Variants in NEK11 observed in about 807,000 individuals in gnomAD.
The protein encoded by NEK11 is NIMA related kinase 11, also known as serine/threonine-protein kinase Nek11.
NEK11 carries 72 observed loss-of-function variants against 80.7 expected under a neutral mutation model. The observed-to-expected ratio is 0.89, with a 90% CI of 0.74 to 1.08. NEK11 has a LOEUF of 1.08. Among genes scored for constraint, NEK11 ranks in the 50% least tolerant of loss-of-function variants. The pLI is 0.00. For missense variants in NEK11, 764 were observed against 763.6 expected (o/e 1.00, Z -0.01); for synonymous variants, 251 against 260.7 (o/e 0.96, Z 0.36).
At chr3:131,041,351 T>A (rs2066436321) in intron 3 of NEK11, among the ~76,000 whole-genome samples, 1 of 152,232 alleles carries the variant, frequency 6.6e-6, no homozygotes, top group Non-Finnish European at 1.5e-5. Context: ...ATATCTGAAA[T>A]TGCATTTTAA....
intron 3 of NEK11, among the ~76,000 whole-genome samples, chr3:131,063,253 G>A (rs901408578): frequency 6.6e-6 from 1 of 152,120 alleles, no homozygotes; most frequent in Non-Finnish European, 1.5e-5. Context: ...TGAAGCTCCT[G>A]GACTTAAGCA....
intron 4 of NEK11, among the ~76,000 whole-genome samples, chr3:131,094,447 G>A (rs1192413414): frequency 1.3e-5 from 2 of 152,124 alleles, no homozygotes; most frequent in African/African-American, 4.8e-5. Flanking sequence ...TCCAAGGGGG[G>A]TGGATCTGAC....
At chr3:131,336,534 T>A (rs2097187471) in intron 17 of NEK11, among the ~76,000 whole-genome samples, 2 of 152,118 alleles carry the variant, frequency 1.3e-5, no homozygotes, top group Non-Finnish European at 2.9e-5. Context: ...AACCTAGGTA[T>A]TACCATTCAG....
chr3:131,202,956 T>C (rs1356660914), intron 14 of NEK11, among the ~76,000 whole-genome samples: 1 of 151,240 alleles, frequency 6.6e-6, no homozygotes, highest in Non-Finnish European at 1.5e-5. Flanking sequence ...TGTGGAGAAA[T>C]AGGAATACTT....
rs528654249 is a variant in NEK11 at position 131,187,412 on chromosome 3, CTA to C, written c.1399+16527_1399+16528del. Among the ~76,000 whole-genome samples the C allele has an allele frequency of 3.1e-3, 465 of 152,260 alleles. 1 individual carries two copies. Among genetic ancestry groups the C allele is most frequent in the African/African-American group, 9.0e-3 (374 of 41,538 alleles). On this transcript the variant is annotated intron_variant, in intron 14 of 17. Coordinates refer to ENST00000383366, the MANE Select transcript of NEK11 (RefSeq NM_024800.5). ...CCTGTTTCAAAAATCACTATAACTACTATTAAATGTTGATCTTATATTTCAAC... is the reference window on the plus strand; with the variant it reads ...CCTGTTTCAAAAATCACTATAACTACTTAAATGTTGATCTTATATTTCAAC...
chr3:131,221,474 AC>A (rs1348663060), intron 14 of NEK11, among the ~76,000 whole-genome samples: 4 of 152,072 alleles, frequency 2.6e-5, no homozygotes, highest in Admixed American at 2.0e-4. Context: ...TATTCTGGGG[AC>A]CACCCTTTAA....
intron 3 of NEK11, among the ~76,000 whole-genome samples, chr3:131,077,946 C>CTAA (rs2074638104): frequency 6.6e-6 from 1 of 152,140 alleles, no homozygotes; most frequent in Non-Finnish European, 1.5e-5. Context: ...AAATAGGAGC[C>CTAA]TAATAGGCTG....
intron 3 of NEK11, among the ~76,000 whole-genome samples, chr3:131,049,298 T>G (rs2067954954): frequency 6.6e-6 from 1 of 152,200 alleles, no homozygotes; most frequent in Non-Finnish European, 1.5e-5. Context: ...CAATTTCAGA[T>G]ACATAATTTC....
rs766382156 is a variant in NEK11, at chr3:131,029,798, G to A, written c.90G>A (p.Val30=). 1.1e-5 allele frequency: 18 copies of A among 1,614,170 alleles called. No individual in the cohort carries two copies. The highest frequency in any genetic ancestry group is 1.4e-5 in the Non-Finnish European group (17 of 1,180,010). The change falls in exon 3 of 18, where the codon GTG becomes GTA. Residue 30 remains valine (V), a synonymous_variant. Coordinates refer to ENST00000383366, the MANE Select transcript of NEK11 (RefSeq NM_024800.5). The part of the protein sequence containing the change: ...YPKTLIARRY[V]LQQKLGSGSF... ...AGACCTTGATTGCAAGAAGATACGTGCTTCAACAAAAACTTGGCAGTGGAA... is the reference window on the plus strand; with the variant it reads ...AGACCTTGATTGCAAGAAGATACGTACTTCAACAAAAACTTGGCAGTGGAA...
At chr3:131,343,707 T>G (rs2097320058) in intron 17 of NEK11, among the ~76,000 whole-genome samples, 1 of 152,212 alleles carries the variant, frequency 6.6e-6, no homozygotes, top group African/African-American at 2.4e-5. Flanking sequence ...TGCCAGAGCT[T>G]ATGGCTTGCA....
At chr3:131,313,214 A>G (rs969727510) in intron 17 of NEK11, among the ~76,000 whole-genome samples, 2 of 152,118 alleles carry the variant, frequency 1.3e-5, no homozygotes, top group African/African-American at 4.8e-5. Context: ...TTCTTTATCC[A>G]TTCTACCATT....
intron 14 of NEK11, among the ~76,000 whole-genome samples, chr3:131,204,308 A>G (rs1008655055): frequency 6.6e-5 from 10 of 152,170 alleles, no homozygotes; most frequent in African/African-American, 1.2e-4. Flanking sequence ...ATAATAAACC[A>G]GTAAACATCA....
At chr3:131,181,745 C>CAAAAAAAAA (rs58463955) in intron 14 of NEK11, among the ~76,000 whole-genome samples, 3 of 83,116 alleles carry the variant, frequency 3.6e-5, no homozygotes, top group Non-Finnish European at 6.6e-5. Flanking sequence ...GACTCCGCCT[C>CAAAAAAAAA]AAAAAAAAAA....
intron 14 of NEK11, among the ~76,000 whole-genome samples, chr3:131,201,380 G>A (rs1338404075): frequency 1.3e-5 from 2 of 151,898 alleles, no homozygotes; most frequent in Admixed American, 6.6e-5. Context: ...TAAGTTTCTC[G>A]ACCTATATAG....
intron 5 of NEK11, among the ~76,000 whole-genome samples, chr3:131,111,344 T>C (rs2080099985): frequency 6.6e-6 from 1 of 152,188 alleles, no homozygotes; most frequent in Admixed American, 6.6e-5. Flanking sequence ...TGAAATACAA[T>C]CCTTTGTGAT....
chr3:131,325,216 T>C (rs1315577821), intron 17 of NEK11: 1 of 151,884 alleles, frequency 6.6e-6, no homozygotes, highest in Non-Finnish European at 1.5e-5. Flanking sequence ...GAAATAATGA[T>C]GGAATGACTC....
intron 5 of NEK11, among the ~76,000 whole-genome samples, chr3:131,127,308 A>G (rs2149527656): frequency 6.6e-6 from 1 of 151,984 alleles, no homozygotes; most frequent in South Asian, 2.1e-4. Context: ...ACCTCAGTTG[A>G]AATACTTTTC....
chr3:131,069,065 G>A (rs1560249517), intron 3 of NEK11, among the ~76,000 whole-genome samples: 1 of 151,788 alleles, frequency 6.6e-6, no homozygotes, highest in African/African-American at 2.4e-5. Context: ...CTGTCTTACT[G>A]TTAAGACAGC....
At chr3:131,063,393 G>C (rs1396092161) in intron 3 of NEK11, among the ~76,000 whole-genome samples, 1 of 152,166 alleles carries the variant, frequency 6.6e-6, no homozygotes, top group African/African-American at 2.4e-5. Context: ...ATTCAGCAGA[G>C]TATTTTTCAT....
Sources: allele counts gnomAD v4.1 joint callset (sites outside exome capture counted in the v4.1 genomes callset), GRCh38; gene constraint gnomAD v4.1.1; transcripts MANE v1.5; gene names NCBI Gene and HGNC (gene_info 2026-07-23, HGNC 2026-07-21).